The following BMPR1B variants were observed in gnomAD, a reference collection of about 807,000 sequenced individuals.
BMPR1B encodes bone morphogenetic protein receptor type-1B.
BMPR1B carries 12 observed loss-of-function variants against 59.1 expected under a neutral mutation model. The ratio of observed to expected loss-of-function variants is 0.20; its 90% CI spans 0.13 to 0.33. The LOEUF is 0.33. Among genes scored for constraint, BMPR1B ranks in the 10% least tolerant of loss-of-function variants. BMPR1B has a pLI of 1.00. For missense variants in BMPR1B, 550 were observed against 610.9 expected (o/e 0.90, Z 1.05); for synonymous variants, 237 against 207.3 (o/e 1.14, Z -1.23).
At chr4:94,832,857 A>G (rs1224645359) in intron 1 of BMPR1B, among the ~76,000 whole-genome samples, 1 of 152,126 alleles carries the variant, frequency 6.6e-6, no homozygotes, top group African/African-American at 2.4e-5. Context: ...GCATGGGTCA[A>G]AGAAATCCCA....
chr4:94,781,586 A>T lies in BMPR1B; in HGVS notation c.-183+23518A>T, dbSNP rs373238176. ...CACCACGCACCTGGCTAATTTTTGT[A>T]TTTTTAGTAGAGATGGGGTTTCACC... is the stretch of plus-strand genomic sequence containing the variant. On this transcript the variant is annotated intron_variant, in intron 1 of 12. Coordinates refer to ENST00000515059, the MANE Select transcript of BMPR1B (RefSeq NM_001203.3). Among the ~76,000 whole-genome samples the T allele has an allele frequency of 2.3e-4, 35 of 151,962 alleles. No homozygotes were observed. The East Asian group carries it at 5.6e-3, about 24-fold the overall frequency.
At chr4:94,864,159 A>G (rs1306504830) in intron 1 of BMPR1B, among the ~76,000 whole-genome samples, 1 of 152,208 alleles carries the variant, frequency 6.6e-6, no homozygotes, top group African/African-American at 2.4e-5. Context: ...ATCAAGGGAT[A>G]TATACGGTAA....
intron 3 of BMPR1B, among the ~76,000 whole-genome samples, chr4:95,015,476 C>T (rs1723520610): frequency 6.6e-6 from 1 of 152,092 alleles, no homozygotes; most frequent in African/African-American, 2.4e-5. Context: ...AGCTCCAACT[C>T]CTGGTCTCAA....
In BMPR1B at chr4:95,016,244, A is replaced by G. The variant is rs539668901; in HGVS notation, c.-18+20110A>G. On this transcript the variant is annotated intron_variant, in intron 3 of 12. Transcript: ENST00000515059. ...CCTTTTTGATGACATTGGTCCAGAT[A>G]TTACAAGTGTGATTTTTTTTTTGTT... is the stretch of plus-strand genomic sequence containing the variant. Among the ~76,000 whole-genome samples, 6 of 152,320 alleles carry G rather than the reference A, an allele frequency of 3.9e-5. 1 individual carries two copies. In the South Asian group the frequency reaches 1.2e-3, roughly 32 times the overall value.
At chr4:94,783,757 G>A (rs534874996) in intron 1 of BMPR1B, among the ~76,000 whole-genome samples, 2 of 152,322 alleles carry the variant, frequency 1.3e-5, no homozygotes, top group African/African-American at 2.4e-5. Flanking sequence ...GTTGCTGGGT[G>A]TAGAGCGTTT....
At chr4:95,031,067 A>G (rs973048201) in intron 3 of BMPR1B, among the ~76,000 whole-genome samples, 2 of 152,068 alleles carry the variant, frequency 1.3e-5, no homozygotes, top group African/African-American at 2.4e-5. Context: ...CGCCAAGTCA[A>G]TCCTAAGCCA....
chr4:95,000,333 A>G (rs766542624), intron 3 of BMPR1B, among the ~76,000 whole-genome samples: 11 of 152,178 alleles, frequency 7.2e-5, no homozygotes, highest in South Asian at 2.1e-4. Flanking sequence ...CTGTAATTCA[A>G]TTTGGAACTT....
rs544509551 is a variant in BMPR1B, at chr4:94,779,922, T to C, written c.-183+21854T>C. On this transcript the variant is annotated intron_variant, in intron 1 of 12. Transcript: ENST00000515059. ...CATAGTAAATGGATATTAAGCTGTA[T>C]CAAATTATTCTGTATCTTTGAGATC... 3.3e-4 allele frequency among the ~76,000 whole-genome samples: 51 copies of C among 152,322 alleles called. 1 individual carries two copies. Among genetic ancestry groups the C allele is most frequent in the South Asian group, 1.0e-3 (5 of 4,830 alleles).
At chr4:94,808,979 T>A (rs1373436328) in intron 1 of BMPR1B, among the ~76,000 whole-genome samples, 1 of 152,064 alleles carries the variant, frequency 6.6e-6, no homozygotes, top group Non-Finnish European at 1.5e-5. Flanking sequence ...TGCTTGTACC[T>A]GGGAGCTGGA....
chr4:95,077,949 T>A (rs1560635836), intron 3 of BMPR1B, among the ~76,000 whole-genome samples: 2 of 152,218 alleles, frequency 1.3e-5, no homozygotes, highest in South Asian at 4.1e-4. Flanking sequence ...TTAAAATGCA[T>A]CTATGTAGCA....
rs375399753 is a variant in BMPR1B, at chr4:94,860,176, A to T, written c.-182-15655A>T. ...TAAGTTGAAAGAATTTAACAAATTA[A>T]TGATACTGTTATTTTATTTTATATA... is the stretch of plus-strand genomic sequence containing the variant. On this transcript the variant is annotated intron_variant, in intron 1 of 12. Coordinates refer to ENST00000515059, the MANE Select transcript of BMPR1B (RefSeq NM_001203.3). Among the ~76,000 whole-genome samples, 4 of 152,222 alleles carry T rather than the reference A, an allele frequency of 2.6e-5. No homozygotes were observed. The East Asian group carries it at 7.7e-4, about 29-fold the overall frequency.
chr4:95,091,469 C>A lies in BMPR1B; in HGVS notation c.-17-12939C>A. The A allele has an allele frequency of 3.0e-6, 3 of 985,322 alleles. No individual in the cohort carries two copies. The South Asian group carries it at 1.4e-4, about 46-fold the overall frequency. 61.0% of individuals were successfully genotyped at this position (985,322 alleles called of 1,614,324 possible). A position where few individuals can be genotyped will look rare whatever the true frequency, so the allele number is the denominator to read the frequency against. On this transcript the variant is annotated intron_variant, in intron 3 of 12. Transcript: ENST00000515059. ...TATTAGGCAACCACAGTCTGGGCTG[C>A]ATTTCTTAACTGCTGAATAACATAT...
intron 1 of BMPR1B, among the ~76,000 whole-genome samples, chr4:94,859,351 A>T (rs951024097): frequency 2.0e-5 from 3 of 152,190 alleles, no homozygotes; most frequent in African/African-American, 4.8e-5. Context: ...CTTTTCAATT[A>T]TCCAAGTTAA....
intron 2 of BMPR1B, among the ~76,000 whole-genome samples, chr4:94,915,422 C>T (rs1004206465): frequency 3.3e-5 from 5 of 152,158 alleles, no homozygotes; most frequent in Admixed American, 2.6e-4. Context: ...ATTCTCACCC[C>T]TCCTCCCATG....
At chr4:94,834,781 A>G (rs191542598) in intron 1 of BMPR1B, among the ~76,000 whole-genome samples, 103 of 152,292 alleles carry the variant, frequency 6.8e-4, no homozygotes, top group African/African-American at 2.1e-3. Context: ...CAGCTCTTCC[A>G]TATCTTACTC....
At chr4:95,099,747 G>T (rs1046119324) in intron 3 of BMPR1B, among the ~76,000 whole-genome samples, 3 of 151,932 alleles carry the variant, frequency 2.0e-5, no homozygotes, top group Admixed American at 2.0e-4. Context: ...TCGTTGTTTT[G>T]GCATTTTCAT....
intron 3 of BMPR1B, among the ~76,000 whole-genome samples, chr4:95,012,042 A>AAC (rs1560594850): frequency 6.0e-5 from 9 of 150,372 alleles, no homozygotes; most frequent in East Asian, 3.9e-4. Context: ...ACAACAACAA[A>AAC]AAAAAAAAAG....
chr4:95,089,774 C>G (rs1374947669), intron 3 of BMPR1B, among the ~76,000 whole-genome samples: 1 of 152,028 alleles, frequency 6.6e-6, no homozygotes, highest in Non-Finnish European at 1.5e-5. Flanking sequence ...AGTCTTCTTC[C>G]TACAAATCAA....
chr4:95,135,634 G>T (rs1169491499), intron 10 of BMPR1B, among the ~76,000 whole-genome samples: 1 of 152,080 alleles, frequency 6.6e-6, no homozygotes, highest in East Asian at 1.9e-4. Flanking sequence ...ATTGTGAATG[G>T]GAGTTCACTC....
Sources: allele counts gnomAD v4.1 joint callset (sites outside exome capture counted in the v4.1 genomes callset), GRCh38; gene constraint gnomAD v4.1.1; transcripts MANE v1.5; gene names NCBI Gene and HGNC (gene_info 2026-07-23, HGNC 2026-07-21).